Variants in AGAP1 observed in about 807,000 individuals in gnomAD.
AGAP1 encodes arf-GAP with GTPase, ANK repeat and PH domain-containing protein 1.
In AGAP1, 29 loss-of-function variants were observed where a neutral mutation model predicts 105.3. That is an observed-to-expected ratio of 0.28 (90% CI 0.21 to 0.38). The LOEUF is 0.38. AGAP1 is among the 10% of genes least tolerant of loss of function. The probability of loss-of-function intolerance (pLI) is 1.00; values close to 1 mark genes in which losing one functional copy is unlikely to be tolerated. For synonymous variants in AGAP1, 509 were observed against 485.9 expected (o/e 1.05, Z -0.63); for missense variants, 998 against 1,165.1 (o/e 0.86, Z 2.09).
chr2:236,018,754 A>T (rs184128567), intron 13 of AGAP1, among the ~76,000 whole-genome samples: 75 of 152,250 alleles, frequency 4.9e-4, no homozygotes, highest in African/African-American at 1.6e-3. Flanking sequence ...GTACTGGCCT[A>T]AAGTCCCAAT....
Position 236,001,568 on chromosome 2 carries a change from A to G in AGAP1, c.1645+32945A>G, listed in dbSNP as rs2056122519. ...GAGACACAGACTGTGGCTTGCAAGC[A>G]GAGCTGGCAGGACTTGCTGAAAGAG... On this transcript the variant is annotated intron_variant, in intron 13 of 17. Transcript: ENST00000304032. This position sits in a 1 kb window ranked among gnomAD's most constrained non-coding sequence, Gnocchi z 4.7. Among the ~76,000 whole-genome samples the G allele has an allele frequency of 6.6e-6, 1 of 152,170 alleles. No homozygotes were observed. Among genetic ancestry groups the G allele is most frequent in the African/African-American group, 2.4e-5 (1 of 41,434 alleles).
intron 1 of AGAP1, among the ~76,000 whole-genome samples, chr2:235,584,452 T>C (rs1196915477): frequency 6.8e-6 from 1 of 147,088 alleles, no homozygotes; most frequent in African/African-American, 2.5e-5. Context: ...CTGATGTAAT[T>C]AGTTAAGATG....
chr2:235,859,247 C>T (rs2048813447), intron 9 of AGAP1, among the ~76,000 whole-genome samples: 1 of 152,008 alleles, frequency 6.6e-6, no homozygotes, highest in South Asian at 2.1e-4. Context: ...AACTCCCTCT[C>T]CACCCATAAG....
chr2:235,952,610 T>A (rs181058890), intron 12 of AGAP1, among the ~76,000 whole-genome samples: 175 of 152,062 alleles, frequency 1.2e-3, no homozygotes, highest in African/African-American at 3.8e-3. Context: ...TGTTTTTTTT[T>A]AAAAAAAACT....
Position 236,092,577 on chromosome 2 carries a change from A to G in AGAP1, c.2115-27615A>G, listed in dbSNP as rs1323832830. The stretch of plus-strand genomic sequence containing the variant: ...CCCAGCTAATTTTTGTATTTTTATT[A>G]GAGACGGGGTTTCACCGTGTTAGCC... On this transcript the variant is annotated intron_variant, in intron 16 of 17. Coordinates refer to ENST00000304032, the MANE Select transcript of AGAP1 (RefSeq NM_001037131.3). The surrounding 1 kb of genome is among the most constrained non-coding windows in gnomAD (Gnocchi z 4.7). Among the ~76,000 whole-genome samples the G allele has an allele frequency of 1.3e-5, 2 of 152,060 alleles. No homozygotes were observed. Among genetic ancestry groups the G allele is most frequent in the Non-Finnish European group, 2.9e-5 (2 of 68,010 alleles).
chr2:235,789,784 G>A lies in AGAP1; in HGVS notation c.674-7975G>A, dbSNP rs1174275158. ...TGCTTGGGGCATGGCATGTCCTAAT[G>A]ACTTACTCGAGCAGTTGAATCTTGG... On this transcript the variant is annotated intron_variant, in intron 6 of 17. Coordinates refer to ENST00000304032, the MANE Select transcript of AGAP1 (RefSeq NM_001037131.3). The surrounding 1 kb of genome is among the most constrained non-coding windows in gnomAD (Gnocchi z 4.2). Among the ~76,000 whole-genome samples the A allele has an allele frequency of 6.6e-6, 1 of 152,178 alleles. No homozygotes were observed. The highest frequency in any genetic ancestry group is 6.5e-5 in the Admixed American group (1 of 15,282).
At chr2:235,774,450 C>G (rs1054521192) in intron 6 of AGAP1, 1 of 462,220 alleles carries the variant, frequency 2.2e-6, no homozygotes, top group Non-Finnish European at 4.5e-6. Flanking sequence ...TTTCCCAAGT[C>G]AGCGTGGACT....
intron 6 of AGAP1, among the ~76,000 whole-genome samples, chr2:235,774,881 C>T (rs189556641): frequency 1.3e-5 from 2 of 152,328 alleles, no homozygotes; most frequent in African/African-American, 4.8e-5. Flanking sequence ...CCCATTCATT[C>T]ACCTCCTGTG....
chr2:236,088,835 A>G (rs145707530), intron 16 of AGAP1, among the ~76,000 whole-genome samples: 66 of 152,314 alleles, frequency 4.3e-4, no homozygotes, highest in African/African-American at 1.5e-3. Context: ...TCCAGAACCT[A>G]TCACGGTGCA....
In AGAP1 at chr2:235,701,706, C is replaced by T. The variant is rs1280800180; in HGVS notation, c.164-7473C>T. Among the ~76,000 whole-genome samples the T allele has an allele frequency of 6.6e-6, 1 of 152,176 alleles. No homozygotes were observed. Among genetic ancestry groups the T allele is most frequent in the African/African-American group, 2.4e-5 (1 of 41,434 alleles). On this transcript the variant is annotated intron_variant, in intron 1 of 17. Coordinates refer to ENST00000304032, the MANE Select transcript of AGAP1 (RefSeq NM_001037131.3). This position sits in a 1 kb window ranked among gnomAD's most constrained non-coding sequence, Gnocchi z 4.1. ...TCTGCTAAGTCCTACATTTGAAAGT[C>T]ATCAGCGGATTATGTCTGATCCAGT...
At position 235,664,184 on chromosome 2, in the gene AGAP1, TAG is replaced by T. The variant is rs1948053025; in HGVS notation, c.164-44993_164-44992del. On this transcript the variant is annotated intron_variant, in intron 1 of 17. Coordinates refer to ENST00000304032, the MANE Select transcript of AGAP1 (RefSeq NM_001037131.3). This position sits in a 1 kb window ranked among gnomAD's most constrained non-coding sequence, Gnocchi z 5.7. ...GTTGGCTCTGTAAAACGATGCTTAA[TAG>T]ATTGGATTTTAATATATAGTTTGTT... Among the ~76,000 whole-genome samples, 1 of 152,088 alleles carries T rather than the reference TAG, an allele frequency of 6.6e-6. No homozygotes were observed. The highest frequency in any genetic ancestry group is 2.4e-5 in the African/African-American group (1 of 41,412).
Position 235,951,098 on chromosome 2 carries a change from A to C in AGAP1, c.1484-17364A>C, listed in dbSNP as rs942817653. ...TAATTCTAGTTTTTAAATATCATTA[A>C]TTCTGGAGGTTGCACTCTGAATGAT... On this transcript the variant is annotated intron_variant, in intron 12 of 17. Transcript: ENST00000304032. This position sits in a 1 kb window ranked among gnomAD's most constrained non-coding sequence, Gnocchi z 4.2. Among the ~76,000 whole-genome samples, 1 of 152,208 alleles carries C rather than the reference A, an allele frequency of 6.6e-6. No homozygotes were observed. The highest frequency in any genetic ancestry group is 1.5e-5 in the Non-Finnish European group (1 of 68,038).
intron 1 of AGAP1, among the ~76,000 whole-genome samples, chr2:235,661,220 A>T (rs1023581580): frequency 2.6e-5 from 4 of 151,830 alleles, no homozygotes; most frequent in African/African-American, 7.3e-5. Flanking sequence ...GCAGGTGGGG[A>T]GAGATTGGCA....
At position 235,660,352 on chromosome 2, in the gene AGAP1, G is replaced by T. The variant is rs755597237; in HGVS notation, c.164-48827G>T. Among the ~76,000 whole-genome samples the T allele has an allele frequency of 2.0e-5, 3 of 152,144 alleles. No homozygotes were observed. Among genetic ancestry groups the T allele is most frequent in the Middle Eastern group, 3.2e-3 (1 of 316 alleles). On this transcript the variant is annotated intron_variant, in intron 1 of 17. Coordinates refer to ENST00000304032, the MANE Select transcript of AGAP1 (RefSeq NM_001037131.3). The surrounding 1 kb of genome is among the most constrained non-coding windows in gnomAD (Gnocchi z 5.3). ...GTACAAGTTGACCAACCTTCTTGTT[G>T]GTAACATGACTGAGGCATTACCTGC...
intron 16 of AGAP1, among the ~76,000 whole-genome samples, chr2:236,074,477 A>G (rs998598890): frequency 6.6e-6 from 1 of 152,184 alleles, no homozygotes. Context: ...TAATTTTTAC[A>G]AGCTTAAGCT....
At chr2:236,039,714 T>G (rs1370715521) in intron 14 of AGAP1, among the ~76,000 whole-genome samples, 3 of 151,900 alleles carry the variant, frequency 2.0e-5, no homozygotes, top group Non-Finnish European at 4.4e-5. Flanking sequence ...TGAACAAGTT[T>G]CGTTAGGCTG....
chr2:235,696,813 G>C (rs1025806943), intron 1 of AGAP1, among the ~76,000 whole-genome samples: 3 of 151,836 alleles, frequency 2.0e-5, no homozygotes, highest in Non-Finnish European at 4.4e-5. Context: ...GTGAAACCCC[G>C]TCTCTACTAA....
In AGAP1 at chr2:235,744,343, G is replaced by A. The variant is rs976462428; in HGVS notation, c.397-355G>A. Among the ~76,000 whole-genome samples the A allele has an allele frequency of 3.9e-5, 6 of 152,204 alleles. No homozygotes were observed. The highest frequency in any genetic ancestry group is 1.2e-4 in the African/African-American group (5 of 41,450). ...GGCTTGAGGGGCTCTGGCAGGAGGTGGGTCTGGCCTTCTGTCTGCGGGGCC... is the reference window on the plus strand; with the variant it reads ...GGCTTGAGGGGCTCTGGCAGGAGGTAGGTCTGGCCTTCTGTCTGCGGGGCC... On this transcript the variant is annotated intron_variant, in intron 4 of 17. Coordinates refer to ENST00000304032, the MANE Select transcript of AGAP1 (RefSeq NM_001037131.3). This position sits in a 1 kb window ranked among gnomAD's most constrained non-coding sequence, Gnocchi z 5.2.
At chr2:236,026,022 C>T (rs1443180174) in intron 13 of AGAP1, among the ~76,000 whole-genome samples, 1 of 152,198 alleles carries the variant, frequency 6.6e-6, no homozygotes, top group African/African-American at 2.4e-5. Flanking sequence ...CACCTCCCAT[C>T]CCTGGCTTCA....
Sources: gnomAD v4.1 joint callset for allele counts (sites outside exome capture counted in the v4.1 genomes callset) on GRCh38, gnomAD v4.1.1 for gene constraint, Gnocchi (gnomAD v3.1) non-coding constraint, MANE v1.5 for transcripts, NCBI Gene and HGNC (gene_info 2026-07-23, HGNC 2026-07-21) for gene names.